CADPS2: variants seen among roughly 807,000 people sequenced by gnomAD.
CADPS2 encodes calcium-dependent secretion activator 2.
CADPS2 carries 93 observed loss-of-function variants against 172.5 expected under a neutral mutation model. The observed-to-expected ratio is 0.54, with a 90% confidence interval of 0.46 to 0.64. CADPS2 has a LOEUF of 0.64. Among genes scored for constraint, CADPS2 ranks in the 30% least tolerant of loss-of-function variants. The pLI, the probability that CADPS2 is intolerant of heterozygous loss-of-function variation, is 0.00. For synonymous variants in CADPS2, 546 were observed against 555.2 expected (o/e 0.98, Z 0.23); for missense variants, 1,420 against 1,565.9 (o/e 0.91, Z 1.57).
intron 1 of CADPS2, among the ~76,000 whole-genome samples, chr7:122,837,606 G>T (rs953032251): frequency 6.6e-6 from 1 of 152,060 alleles, no homozygotes; most frequent in Non-Finnish European, 1.5e-5. Context: ...TATCACCACC[G>T]ATCCCACAGA....
chr7:122,451,105 T>C (rs2053037783), intron 15 of CADPS2, among the ~76,000 whole-genome samples: 1 of 152,042 alleles, frequency 6.6e-6, no homozygotes, highest in Non-Finnish European at 1.5e-5. Flanking sequence ...GAAGAGACTA[T>C]GCAAGAATGA....
chr7:122,478,273 A>C (rs2056930594), intron 12 of CADPS2, among the ~76,000 whole-genome samples: 1 of 152,248 alleles, frequency 6.6e-6, no homozygotes, highest in African/African-American at 2.4e-5. Flanking sequence ...GATAATGGAA[A>C]ATTTTAGTTC....
chr7:122,690,588 A>G (rs9640810), intron 2 of CADPS2, among the ~76,000 whole-genome samples: 9,843 of 152,306 alleles, frequency 0.065, 364 homozygotes, highest in South Asian at 0.17. Context: ...GGGGCAGGTA[A>G]TAACAGATTA....
chr7:122,676,093 G>A (rs754384914), intron 2 of CADPS2, among the ~76,000 whole-genome samples: 11 of 152,276 alleles, frequency 7.2e-5, no homozygotes, highest in Admixed American at 2.0e-4. Flanking sequence ...TTAAGGTAAG[G>A]GGGTGGGGAG....
chr7:122,764,001 T>A (rs2093470445), intron 1 of CADPS2, among the ~76,000 whole-genome samples: 2 of 152,128 alleles, frequency 1.3e-5, no homozygotes, highest in African/African-American at 4.8e-5. Context: ...CTTTTAAGAT[T>A]TCCTCATTTA....
At chr7:122,338,844 T>G (rs1485059533) in intron 28 of CADPS2, 1 of 152,092 alleles carries the variant, frequency 6.6e-6, no homozygotes, top group Admixed American at 6.5e-5. Flanking sequence ...CACTCTAGCC[T>G]CAAACTCCTG....
chr7:122,416,735 T>G (rs573807668), intron 17 of CADPS2, among the ~76,000 whole-genome samples: 1 of 152,024 alleles, frequency 6.6e-6, no homozygotes, highest in African/African-American at 2.4e-5. Flanking sequence ...ACTGAGGGGG[T>G]TGTGGGGGAG....
chr7:122,490,827 A>T (rs918151040), intron 10 of CADPS2, among the ~76,000 whole-genome samples: 2 of 151,960 alleles, frequency 1.3e-5, no homozygotes, highest in African/African-American at 2.4e-5. Context: ...ACATTTCTTG[A>T]TCTTAGATAT....
At chr7:122,355,316 T>A (rs1358051872) in intron 27 of CADPS2, among the ~76,000 whole-genome samples, 2 of 152,174 alleles carry the variant, frequency 1.3e-5, no homozygotes, top group African/African-American at 2.4e-5. Flanking sequence ...CATGGTGGCA[T>A]ATGCCTGTAA....
chr7:122,353,511 T>G (rs958337490), intron 27 of CADPS2, among the ~76,000 whole-genome samples: 34 of 152,288 alleles, frequency 2.2e-4, no homozygotes, highest in African/African-American at 7.7e-4. Flanking sequence ...CTTTATCGTA[T>G]CCTCCAAGTC....
intron 14 of CADPS2, among the ~76,000 whole-genome samples, chr7:122,454,681 A>G (rs2053548306): frequency 6.6e-6 from 1 of 152,224 alleles, no homozygotes; most frequent in Non-Finnish European, 1.5e-5. Context: ...ATTCTAAAGT[A>G]TGTTTTTACA....
At chr7:122,739,001 GTAATAT>G (rs1228399452) in intron 1 of CADPS2, among the ~76,000 whole-genome samples, 1 of 152,060 alleles carries the variant, frequency 6.6e-6, no homozygotes, top group Non-Finnish European at 1.5e-5. Context: ...CTCCATTTCT[GTAATAT>G]TAAGAAAATG....
intron 1 of CADPS2, among the ~76,000 whole-genome samples, chr7:122,823,339 A>G (rs1803944261): frequency 6.6e-6 from 1 of 152,190 alleles, no homozygotes; most frequent in South Asian, 2.1e-4. Flanking sequence ...ATCCGAGTCT[A>G]TCTCCTAAAT....
chr7:122,885,965 G>C (rs1272452401), intron 1 of CADPS2, 34 bp downstream of exon 1: 1 of 1,582,924 alleles, frequency 6.3e-7, no homozygotes, highest in Admixed American at 1.8e-5. Flanking sequence ...CCAGGGAGAA[G>C]TGGTGGTAGG....
intron 6 of CADPS2, among the ~76,000 whole-genome samples, chr7:122,589,671 T>C (rs1048321457): frequency 2.0e-5 from 3 of 151,908 alleles, no homozygotes; most frequent in African/African-American, 7.2e-5. Flanking sequence ...AAGAAACTTA[T>C]CTTGGGAAAT....
intron 1 of CADPS2, among the ~76,000 whole-genome samples, chr7:122,839,186 C>A (rs1809574198): frequency 6.6e-6 from 1 of 152,156 alleles, no homozygotes; most frequent in Admixed American, 6.5e-5. Context: ...GGAAAGGATT[C>A]CCTATTTAAT....
intron 9 of CADPS2, among the ~76,000 whole-genome samples, chr7:122,501,127 T>C (rs894273803): frequency 6.6e-6 from 1 of 152,048 alleles, no homozygotes; most frequent in African/African-American, 2.4e-5. Flanking sequence ...TGATGGCATA[T>C]GCCTGTAGTC....
chr7:122,641,270 T>C (rs1181365021), intron 3 of CADPS2, among the ~76,000 whole-genome samples: 2 of 152,230 alleles, frequency 1.3e-5, no homozygotes, highest in Middle Eastern at 3.2e-3. Flanking sequence ...GTTTCTATTA[T>C]ACAGATAATT....
chr7:122,516,206 T>G (rs555452027), intron 8 of CADPS2, among the ~76,000 whole-genome samples: 3 of 152,234 alleles, frequency 2.0e-5, no homozygotes, highest in African/African-American at 7.2e-5. Flanking sequence ...TTCACTGGTA[T>G]GAAAGCAGTT....
Sources: gnomAD v4.1 joint callset for allele counts (sites outside exome capture counted in the v4.1 genomes callset) on GRCh38, gnomAD v4.1.1 for gene constraint, MANE v1.5 for transcripts, NCBI Gene and HGNC (gene_info 2026-07-23, HGNC 2026-07-21) for gene names.